The following TMEM47 variants were observed in gnomAD, a reference collection of about 807,000 sequenced individuals.
TMEM47 encodes the protein brain cell membrane protein 1.
TMEM47 carries 3 observed loss-of-function variants against 12.4 expected under a neutral mutation model. The observed-to-expected ratio is 0.24, with a 90% confidence interval of 0.11 to 0.63. The LOEUF (loss-of-function observed/expected upper bound fraction) is 0.63. TMEM47 is among the 20% of genes least tolerant of loss of function. The pLI is 0.86. For missense variants in TMEM47, 89 were observed against 143.8 expected, an observed-to-expected ratio of 0.62 and a Z score of 1.95; for synonymous variants, 62 against 63.3, an observed-to-expected ratio of 0.98 and a Z score of 0.10.
At chrX:34,649,649 G>A (rs934385761) in intron 1 of TMEM47, among the ~76,000 whole-genome samples, 32 of 110,729 alleles carry the variant, frequency 2.9e-4, no homozygotes, top group African/African-American at 9.9e-4. Flanking sequence ...AAGAAACCCC[G>A]GTGACATGAG....
chrX:34,639,241 G>GT lies in TMEM47; in HGVS notation c.367+5dup. 1 of 1,181,271 alleles carries GT rather than the reference G, an allele frequency of 8.5e-7. No homozygotes were observed. Among genetic ancestry groups the GT allele is most frequent in the Non-Finnish European group, 1.1e-6 (1 of 879,700 alleles). On this transcript the variant is annotated splice_donor_region_variant and intron_variant, in intron 2 of 2. Coordinates refer to ENST00000275954, the MANE Select transcript of TMEM47 (RefSeq NM_031442.4). ...ATACTCATTTGAAAGTAATGAATCT[G>GT]TTTACCTGCTGCAAAAAGCATGACC... is the stretch of plus-strand genomic sequence containing the variant.
chrX:34,632,927 G>T (rs1601964185), intron 2 of TMEM47, among the ~76,000 whole-genome samples: 1 of 109,776 alleles, frequency 9.1e-6, no homozygotes. Context: ...CTACAGAGAA[G>T]AAAATTCCAA....
chrX:34,627,661 A>G lies in TMEM47; in HGVS notation c.*2652T>C, dbSNP rs1411093225. On this transcript the variant is annotated 3_prime_UTR_variant, in exon 3 of 3. Transcript: ENST00000275954. ...CTAGCCCTGCTGAGTATTTTATGCT[A>G]TATGTGTGTGAGTATATATATGTGT... is the stretch of plus-strand genomic sequence containing the variant. The G allele has an allele frequency of 8.9e-6, 1 of 112,263 alleles. No individual in the cohort carries two copies. Among genetic ancestry groups the G allele is most frequent in the Non-Finnish European group, 1.9e-5 (1 of 53,120 alleles). The allele number at this position is 112,263 out of a possible 1,213,427, so 9.3% of individuals were successfully genotyped here.
Position 34,657,257 on chromosome X carries a change from C to A in TMEM47, c.-228G>T, listed in dbSNP as rs1339813313. 2.7e-6 allele frequency: 1 copy of A among 364,530 alleles called. No individual in the cohort carries two copies. The highest frequency in any genetic ancestry group is 4.0e-6 in the Non-Finnish European group (1 of 253,158). 30.0% of individuals were successfully genotyped at this position (364,530 alleles called of 1,213,427 possible). On this transcript the variant is annotated 5_prime_UTR_variant, in exon 1 of 3. Transcript: ENST00000275954. ...GCAGCGACGTCGATTCCACCCCGGA[C>A]CTTCGCCGCCGGCCCCGCGCCGCGC...
intron 1 of TMEM47, among the ~76,000 whole-genome samples, chrX:34,652,179 T>A (rs1483785151): frequency 8.9e-6 from 1 of 112,452 alleles, no homozygotes; most frequent in South Asian, 3.7e-4. Context: ...CAATTTAGCA[T>A]AGCTCACATG....
intron 1 of TMEM47, among the ~76,000 whole-genome samples, chrX:34,640,682 T>C (rs984356661): frequency 8.9e-6 from 1 of 111,907 alleles, no homozygotes; most frequent in African/African-American, 3.2e-5. Flanking sequence ...CCTCTGAAAT[T>C]ATCCCCCCAG....
chrX:34,630,220 A>G lies in TMEM47; in HGVS notation c.*93T>C, dbSNP rs576987212. 6.0e-4 allele frequency: 559 copies of G among 938,283 alleles called. 5 individuals carry two copies. The South Asian group carries it at 0.017, about 28-fold the overall frequency. 77.3% of individuals were successfully genotyped at this position (938,283 alleles called of 1,213,427 possible). A position where few individuals can be genotyped will look rare whatever the true frequency, so the allele number is the denominator to read the frequency against. ...AACTGAGCAAACTGCTTGATGCTCC[A>G]CAAGTGTTTTAGAAAATAGTAAGTT... is the stretch of plus-strand genomic sequence containing the variant. On this transcript the variant is annotated 3_prime_UTR_variant, in exon 3 of 3. Transcript: ENST00000275954.
intron 2 of TMEM47, among the ~76,000 whole-genome samples, chrX:34,635,347 C>T: frequency 8.9e-6 from 1 of 111,821 alleles, no homozygotes; most frequent in East Asian, 2.8e-4. Flanking sequence ...TTTCCCATTC[C>T]CGTCTCATTT....
intron 1 of TMEM47, among the ~76,000 whole-genome samples, chrX:34,645,308 C>G (rs1921890607): frequency 8.9e-6 from 1 of 112,011 alleles, no homozygotes; most frequent in African/African-American, 3.2e-5. Flanking sequence ...TTTTTCCCAA[C>G]TAGCTCACTT....
Position 34,645,555 on chromosome X carries a change from G to A in TMEM47, c.227-6168C>T, listed in dbSNP as rs183060858. ...TGCTAATGAGGTGGAAAACTGAAAC[G>A]TTACTGAGGCAGCTTAAATCTTGGT... On this transcript the variant is annotated intron_variant, in intron 1 of 2. Transcript: ENST00000275954. Among the ~76,000 whole-genome samples the A allele has an allele frequency of 8.1e-5, 9 of 111,431 alleles. No individual in the cohort carries two copies. In the East Asian group the frequency reaches 1.7e-3, roughly 21 times the overall value.
intron 2 of TMEM47, among the ~76,000 whole-genome samples, chrX:34,635,753 G>C (rs1921704508): frequency 9.0e-6 from 1 of 111,584 alleles, no homozygotes; most frequent in Admixed American, 9.5e-5. Flanking sequence ...AGTAGGGGAA[G>C]ACCAAATTTG....
At chrX:34,654,754 C>T (rs1922074733) in intron 1 of TMEM47, among the ~76,000 whole-genome samples, 1 of 111,961 alleles carries the variant, frequency 8.9e-6, no homozygotes, top group African/African-American at 3.3e-5. Flanking sequence ...ACAAAATCAT[C>T]TCTACTTTTT....
In TMEM47 at chrX:34,641,186, T is replaced by C. The variant is rs759766244; in HGVS notation, c.227-1799A>G. ...TGCACAATTATATTGCACTTTGGCA[T>C]GATGGAAATCCTTCTAAAAACAGGT... On this transcript the variant is annotated intron_variant, in intron 1 of 2. Coordinates refer to ENST00000275954, the MANE Select transcript of TMEM47 (RefSeq NM_031442.4). Among the ~76,000 whole-genome samples, 6 of 111,356 alleles carry C rather than the reference T, an allele frequency of 5.4e-5. No individual in the cohort carries two copies. In the East Asian group the frequency reaches 1.7e-3, roughly 32 times the overall value.
chrX:34,641,230 G>T (rs1044145314), intron 1 of TMEM47, among the ~76,000 whole-genome samples: 1 of 110,605 alleles, frequency 9.0e-6, no homozygotes, highest in Non-Finnish European at 1.9e-5. Context: ...TGAAATTTCT[G>T]AATTAAAAAA....
chrX:34,645,770 T>C (rs1447791934), intron 1 of TMEM47, among the ~76,000 whole-genome samples: 1 of 112,079 alleles, frequency 8.9e-6, no homozygotes, highest in East Asian at 2.8e-4. Flanking sequence ...AATATTTCTT[T>C]GTATATGAGG....
intron 1 of TMEM47, among the ~76,000 whole-genome samples, chrX:34,652,958 T>C (rs1922042560): frequency 8.9e-6 from 1 of 112,112 alleles, no homozygotes; most frequent in South Asian, 3.7e-4. Flanking sequence ...GCAAATCACA[T>C]TGTGAGGTTT....
chrX:34,638,424 C>G (rs1364446992), intron 2 of TMEM47, among the ~76,000 whole-genome samples: 1 of 111,407 alleles, frequency 9.0e-6, no homozygotes, highest in Non-Finnish European at 1.9e-5. Flanking sequence ...GAAATTTCAT[C>G]TATTCCAATC....
At position 34,629,595 on chromosome X, in the gene TMEM47, T is replaced by G. The variant is rs961049144; in HGVS notation, c.*718A>C. The G allele has an allele frequency of 5.4e-5, 6 of 111,638 alleles. No homozygotes were observed. Among genetic ancestry groups the G allele is most frequent in the Non-Finnish European group, 9.4e-5 (5 of 53,206 alleles). The allele number at this position is 111,638 out of a possible 1,213,427, so 9.2% of individuals were successfully genotyped here. A position where few individuals can be genotyped will look rare whatever the true frequency, so the allele number is the denominator to read the frequency against. On this transcript the variant is annotated 3_prime_UTR_variant, in exon 3 of 3. Transcript: ENST00000275954. ...TACAAAAGCAACTCATGCAGATTTCTTTCTGTTTGCCCCAGGAAAAACAGA... is the reference window on the plus strand; with the variant it reads ...TACAAAAGCAACTCATGCAGATTTCGTTCTGTTTGCCCCAGGAAAAACAGA...
At chrX:34,641,424 C>T (rs1361606780) in intron 1 of TMEM47, among the ~76,000 whole-genome samples, 1 of 111,836 alleles carries the variant, frequency 8.9e-6, no homozygotes, top group African/African-American at 3.2e-5. Context: ...AATTATTTTA[C>T]ATAAGTAAAA....
Sources: gnomAD v4.1 joint callset for allele counts (sites outside exome capture counted in the v4.1 genomes callset) on GRCh38, gnomAD v4.1.1 for gene constraint, MANE v1.5 for transcripts, NCBI Gene and HGNC (gene_info 2026-07-23, HGNC 2026-07-21) for gene names.